ZNF385D: variants seen among roughly 807,000 people sequenced by gnomAD.
ZNF385D encodes the protein zinc finger protein 385D.
Under a neutral mutation model 35.8 loss-of-function variants are expected in ZNF385D, and 15 were observed. The observed-to-expected ratio is 0.42, with a 90% CI of 0.28 to 0.64. The LOEUF (loss-of-function observed/expected upper bound fraction) is 0.64, where lower values mean the gene tolerates loss of function less well. Among genes scored for constraint, ZNF385D ranks in the 30% least tolerant of loss-of-function variants. The pLI is 0.23. For synonymous variants in ZNF385D, 212 were observed against 186.8 expected, an observed-to-expected ratio of 1.13 and a Z score of -1.10; for missense variants, 474 against 494.6, an observed-to-expected ratio of 0.96 and a Z score of 0.39.
rs531850186 is a variant in ZNF385D, at chr3:21,724,290, C to T, written c.22+26605G>A. Among the ~76,000 whole-genome samples, 9 of 151,774 alleles carry T rather than the reference C, an allele frequency of 5.9e-5. No individual in the cohort carries two copies. In the South Asian group the frequency reaches 6.3e-4, roughly 11 times the overall value. ...AGCATCATAATGACAGGCTCAAATT[C>T]GCACATAACAATATTAACCTTAAAT... On this transcript the variant is annotated intron_variant, in intron 1 of 7. Transcript: ENST00000281523.
Position 22,256,157 on chromosome 3 carries a change from G to A in ZNF385D, c.107-87122C>T, listed in dbSNP as rs73132660. 2.5e-3 allele frequency among the ~76,000 whole-genome samples: 374 copies of A among 150,754 alleles called. 1 individual carries two copies. Among genetic ancestry groups the A allele is most frequent in the African/African-American group, 8.0e-3 (329 of 41,030 alleles). Reference sequence around the variant, plus strand: ...AAACTTAGACTGGCTCTCCTTGTTCGTCAGCATATATATACATATACATAT... The same window carrying A: ...AAACTTAGACTGGCTCTCCTTGTTCATCAGCATATATATACATATACATAT... On this transcript the variant is annotated intron_variant, in intron 2 of 5. Coordinates refer to the ZNF385D transcript ENST00000494108.
intron 2 of ZNF385D, among the ~76,000 whole-genome samples, chr3:22,334,412 T>A (rs913935688): frequency 1.9e-4 from 29 of 152,178 alleles, no homozygotes; most frequent in Non-Finnish European, 3.4e-4. Context: ...CAAATTATAT[T>A]TTTAAATTCT....
chr3:22,123,657 C>G (rs1298577299), intron 3 of ZNF385D, among the ~76,000 whole-genome samples: 2 of 152,138 alleles, frequency 1.3e-5, no homozygotes, highest in East Asian at 1.9e-4. Context: ...GTCAGGCATT[C>G]AAGACCAGCC....
intron 3 of ZNF385D, among the ~76,000 whole-genome samples, chr3:21,995,506 G>C (rs1196709486): frequency 6.6e-6 from 1 of 152,154 alleles, no homozygotes; most frequent in Admixed American, 6.5e-5. Context: ...CACAGGTGTA[G>C]GTGGCAGTGA....
intron 3 of ZNF385D, among the ~76,000 whole-genome samples, chr3:21,965,923 G>T (rs1702888080): frequency 6.6e-6 from 1 of 152,070 alleles, no homozygotes; most frequent in African/African-American, 2.4e-5. Context: ...AGTGAATCCA[G>T]GTAAAGTCTA....
At chr3:21,635,292 G>A (rs749373299) in intron 2 of ZNF385D, among the ~76,000 whole-genome samples, 17 of 152,058 alleles carry the variant, frequency 1.1e-4, no homozygotes, top group Non-Finnish European at 1.8e-4. Flanking sequence ...ATAATTAAAT[G>A]ATCTCTAATA....
At chr3:21,865,260 A>G (rs1281857909) in intron 3 of ZNF385D, among the ~76,000 whole-genome samples, 1 of 151,800 alleles carries the variant, frequency 6.6e-6, no homozygotes, top group Non-Finnish European at 1.5e-5. Context: ...ACACTTACAA[A>G]TAGATGGAAT....
intron 2 of ZNF385D, among the ~76,000 whole-genome samples, chr3:22,348,553 A>G (rs1471676371): frequency 6.6e-6 from 1 of 150,910 alleles, no homozygotes; most frequent in African/African-American, 2.4e-5. Context: ...AATCCCAGCT[A>G]CTCCAGAGTC....
chr3:21,893,552 T>G (rs1443307779), intron 3 of ZNF385D, among the ~76,000 whole-genome samples: 1 of 152,120 alleles, frequency 6.6e-6, no homozygotes, highest in Admixed American at 6.6e-5. Context: ...TCTAAGCACT[T>G]TATTGTGTCC....
In ZNF385D at chr3:21,875,907, T is replaced by C. The variant is rs1004202651; in HGVS notation, c.326-210879A>G. On this transcript the variant is annotated intron_variant, in intron 3 of 5. Transcript: ENST00000494108. The stretch of plus-strand genomic sequence containing the variant: ...CCATAGAATAAGATAAGAATTGAAA[T>C]TGCAACTAGGCATTTAGAAACCTTA... 2.6e-5 allele frequency among the ~76,000 whole-genome samples: 4 copies of C among 152,114 alleles called. No homozygotes were observed. The East Asian group carries it at 5.8e-4, about 22-fold the overall frequency.
intron 2 of ZNF385D, among the ~76,000 whole-genome samples, chr3:21,605,538 G>A (rs74373257): frequency 0.02 from 3,072 of 152,204 alleles, 83 homozygotes; most frequent in South Asian, 0.11. Context: ...CAGAGGTGGC[G>A]TAAGCTAGTT....
At chr3:22,235,154 T>C (rs555905873) in intron 2 of ZNF385D, among the ~76,000 whole-genome samples, 2 of 152,062 alleles carry the variant, frequency 1.3e-5, no homozygotes, top group Non-Finnish European at 1.5e-5. Flanking sequence ...AGAATTTAAA[T>C]ATTTTTTCTA....
At chr3:22,341,968 G>T (rs1391345157) in intron 2 of ZNF385D, among the ~76,000 whole-genome samples, 1 of 152,102 alleles carries the variant, frequency 6.6e-6, no homozygotes, top group Non-Finnish European at 1.5e-5. Flanking sequence ...ACTGAAAACT[G>T]TTTAATGAAT....
chr3:21,500,854 GCCC>G (rs1450649414), intron 4 of ZNF385D, among the ~76,000 whole-genome samples: 1 of 152,178 alleles, frequency 6.6e-6, no homozygotes, highest in African/African-American at 2.4e-5. Flanking sequence ...TAGCTGGAAA[GCCC>G]CAGCTTAGAG....
chr3:22,027,374 C>G (rs552030778), intron 3 of ZNF385D, among the ~76,000 whole-genome samples: 8 of 152,208 alleles, frequency 5.3e-5, no homozygotes, highest in Non-Finnish European at 1.0e-4. Context: ...TGCTCTGCCA[C>G]TTGGGCCATA....
intron 2 of ZNF385D, among the ~76,000 whole-genome samples, chr3:22,238,596 G>A (rs1341144104): frequency 1.3e-5 from 2 of 150,368 alleles, no homozygotes; most frequent in Admixed American, 6.6e-5. Context: ...TTTCATTGCT[G>A]GTGCATAGAA....
chr3:22,161,410 A>G (rs1013612251), intron 3 of ZNF385D, among the ~76,000 whole-genome samples: 1 of 152,086 alleles, frequency 6.6e-6, no homozygotes, highest in Non-Finnish European at 1.5e-5. Context: ...ACAGCAGAAA[A>G]ATAATCTTTA....
intron 2 of ZNF385D, among the ~76,000 whole-genome samples, chr3:22,330,317 G>A (rs1051881678): frequency 9.9e-5 from 15 of 151,954 alleles, no homozygotes; most frequent in Admixed American, 6.6e-5. Context: ...TTTATCCAGG[G>A]TAAATTCATG....
intron 3 of ZNF385D, among the ~76,000 whole-genome samples, chr3:21,810,674 T>C (rs925217849): frequency 2.4e-4 from 36 of 152,052 alleles, no homozygotes; most frequent in Admixed American, 3.9e-4. Flanking sequence ...TTGTTTGAAA[T>C]GTACCTTGTT....
Sources: allele counts gnomAD v4.1 joint callset (sites outside exome capture counted in the v4.1 genomes callset), GRCh38; gene constraint gnomAD v4.1.1; transcripts MANE v1.5; gene names NCBI Gene and HGNC (gene_info 2026-07-23, HGNC 2026-07-21).